The following DOCK1 variants were observed in gnomAD, a reference collection of about 807,000 sequenced individuals.
DOCK1 encodes dedicator of cytokinesis 1.
A neutral mutation model predicts 262.7 loss-of-function variants in DOCK1; 138 were observed. That is an observed-to-expected ratio of 0.53 (90% CI 0.46 to 0.61). The LOEUF is 0.61. Ranked by LOEUF, DOCK1 falls within the 20% of genes least tolerant of loss-of-function variation. DOCK1 has a pLI of 0.00. For synonymous variants in DOCK1, 866 were observed against 867.4 expected, an observed-to-expected ratio of 1.00 and a Z score of 0.03; for missense variants, 1,908 against 2,370.7, an observed-to-expected ratio of 0.80 and a Z score of 4.05.
intron 12 of DOCK1, among the ~76,000 whole-genome samples, chr10:127,016,259 G>T (rs879491563): frequency 6.6e-6 from 1 of 152,098 alleles, no homozygotes; most frequent in Non-Finnish European, 1.5e-5. Flanking sequence ...AAATTAGAGG[G>T]ACTCACTAGA....
In DOCK1 at chr10:127,363,036, TC is replaced by T. The variant is rs1275449089; in HGVS notation, c.3432+830del. The stretch of plus-strand genomic sequence containing the variant: ...CCCCACACACACACACACATGCACC[TC>T]CCCCCACACACACACACGTACATCC... On this transcript the variant is annotated intron_variant, in intron 33 of 51. Coordinates refer to ENST00000623213, the MANE Select transcript of DOCK1 (RefSeq NM_001290223.2). 2.8e-3 allele frequency among the ~76,000 whole-genome samples: 179 copies of T among 63,452 alleles called. 20 individuals are homozygous for T. The highest frequency in any genetic ancestry group is 0.012 in the African/African-American group (171 of 14,036). 41.6% of individuals were successfully genotyped at this position (63,452 alleles called of 152,430 possible).
chr10:127,025,320 T>C (rs1591713313), intron 15 of DOCK1: 1 of 152,442 alleles, frequency 6.6e-6, no homozygotes, highest in East Asian at 1.9e-4. Context: ...AGAGGCAGCA[T>C]GTATTAGGTC....
chr10:127,348,582 A>G (rs554845293), intron 31 of DOCK1, among the ~76,000 whole-genome samples: 1 of 152,290 alleles, frequency 6.6e-6, no homozygotes, highest in East Asian at 1.9e-4. Context: ...CAGTGCAGAG[A>G]GACCATCCAC....
At chr10:127,309,641 T>C (rs1266589539) in intron 29 of DOCK1, among the ~76,000 whole-genome samples, 2 of 152,170 alleles carry the variant, frequency 1.3e-5, no homozygotes, top group African/African-American at 4.8e-5. Flanking sequence ...GGGATCCAGT[T>C]TCCGTTTTCT....
chr10:127,234,290 T>A (rs1239230594), intron 27 of DOCK1, among the ~76,000 whole-genome samples: 1 of 152,040 alleles, frequency 6.6e-6, no homozygotes, highest in East Asian at 1.9e-4. Context: ...CTCTCCAAAG[T>A]GGGGGAAAAA....
In DOCK1 at chr10:127,127,778, G is replaced by GACAT. The variant is rs2050056565; in HGVS notation, c.2847+16_2847+19dup. On this transcript the variant is annotated intron_variant, in intron 27 of 51. Transcript: ENST00000623213. ...TCTGAACTCATTGTAAGTGCTTGGT[G>GACAT]ACATATGTTTGGATATTTAACTGGG... 6.2e-7 allele frequency: 1 copy of GACAT among 1,604,684 alleles called. No homozygotes were observed. Among genetic ancestry groups the GACAT allele is most frequent in the Non-Finnish European group, 8.5e-7 (1 of 1,172,778 alleles).
chr10:127,018,598 A>C, intron 12 of DOCK1, 112 bp from the exon 13 acceptor site: 1 of 1,538,368 alleles, frequency 6.5e-7, no homozygotes, highest in Non-Finnish European at 8.9e-7. Flanking sequence ...CTTTTCTCTC[A>C]AGATGTTGAA....
At chr10:126,942,660 A>C (rs2035110841) in intron 1 of DOCK1, among the ~76,000 whole-genome samples, 1 of 152,180 alleles carries the variant, frequency 6.6e-6, no homozygotes, top group Admixed American at 6.5e-5. Context: ...TCTGCGATGC[A>C]GCAGAGTTCC....
At chr10:127,023,097 T>C in intron 13 of DOCK1, 103 bp from the exon 14 acceptor site, 1 of 1,275,502 alleles carries the variant, frequency 7.8e-7, no homozygotes, top group Non-Finnish European at 1.1e-6. Flanking sequence ...ATCTAATATG[T>C]ATTTGTAATA....
At chr10:127,250,873 C>CT (rs199987416) in intron 28 of DOCK1, among the ~76,000 whole-genome samples, 1 of 142,096 alleles carries the variant, frequency 7.0e-6, no homozygotes, top group Non-Finnish European at 1.5e-5. Context: ...AGTATGTGAA[C>CT]TTTTTTACTG....
intron 49 of DOCK1, among the ~76,000 whole-genome samples, chr10:127,440,815 C>G (rs897966160): frequency 6.6e-6 from 1 of 152,136 alleles, no homozygotes; most frequent in African/African-American, 2.4e-5. Flanking sequence ...GATGTCAGAC[C>G]AGGGGGGCAC....
At chr10:127,026,265 G>C (rs1319286355) in intron 15 of DOCK1, 87 bp from the exon 16 acceptor site, 1 of 1,247,348 alleles carries the variant, frequency 8.0e-7, no homozygotes, top group Non-Finnish European at 1.1e-6. Context: ...AATGTTTACA[G>C]TTGTACCTGA....
rs548508470 is a variant in DOCK1, at chr10:127,045,812, C to T, written c.2201+2648C>T. On this transcript the variant is annotated intron_variant, in intron 21 of 51. Transcript: ENST00000623213. Reference sequence around the variant, plus strand: ...CCAGCATGACTGGGCTCCTTTTTGTCCACCCTATGGAGCTGCTGCAGGCTC... The same window carrying T: ...CCAGCATGACTGGGCTCCTTTTTGTTCACCCTATGGAGCTGCTGCAGGCTC... Among the ~76,000 whole-genome samples the T allele has an allele frequency of 6.6e-5, 10 of 152,316 alleles. No individual in the cohort carries two copies. The South Asian group carries it at 1.9e-3, about 28-fold the overall frequency.
chr10:127,435,530 T>C (rs377679647), intron 48 of DOCK1, among the ~76,000 whole-genome samples: 1 of 152,334 alleles, frequency 6.6e-6, no homozygotes, highest in African/African-American at 2.4e-5. Context: ...AAATCATGTG[T>C]GCTTGTCACT....
At chr10:127,411,306 C>G (rs1021405876) in intron 43 of DOCK1, among the ~76,000 whole-genome samples, 5 of 152,054 alleles carry the variant, frequency 3.3e-5, no homozygotes, top group African/African-American at 1.2e-4. Flanking sequence ...GCAGGTGACA[C>G]AGCAGTCAGC....
At chr10:127,402,939 A>C in intron 38 of DOCK1, 116 bp from the exon 39 acceptor site, 2 of 976,354 alleles carry the variant, frequency 2.0e-6, no homozygotes, top group South Asian at 3.0e-5. Context: ...TATTCCCATA[A>C]TGTTTCATTC....
intron 9 of DOCK1, 84 bp from the exon 10 acceptor site, chr10:127,000,088 A>C: frequency 6.7e-7 from 1 of 1,498,580 alleles, no homozygotes; most frequent in Non-Finnish European, 9.1e-7. Context: ...AAGAGTCTCA[A>C]TCCATTTTTT....
At position 127,043,112 on chromosome 10, in the gene DOCK1, C is replaced by G; in HGVS notation, c.2149C>G (p.Pro717Ala). The change falls in exon 21 of 52, where the codon CCT (proline) becomes GCT (alanine). Residue 717 changes from proline to alanine, a missense_variant. Coordinates refer to ENST00000623213, the MANE Select transcript of DOCK1 (RefSeq NM_001290223.2). ...IADRKFQHFN[P>A]VLETYIKKHF... ...TGATAGAAAATTTCAGCATTTTAAT[C>G]CTGTTTTGGAAACTTACATTAAGAA... 1.2e-6 allele frequency: 2 copies of G among 1,611,248 alleles called. No homozygotes were observed. The highest frequency in any genetic ancestry group is 1.7e-6 in the Non-Finnish European group (2 of 1,178,568).
chr10:126,956,949 C>T lies in DOCK1; in HGVS notation c.47-13753C>T, dbSNP rs1042516073. Among the ~76,000 whole-genome samples the T allele has an allele frequency of 3.1e-3, 466 of 152,186 alleles. 3 individuals carry two copies. Among genetic ancestry groups the T allele is most frequent in the African/African-American group, 0.011 (438 of 41,536 alleles). ...GTCCTAGAGGAGGCTCAGGCCAGAGCCCACAGGGAGGAGGCAAAGTGCTTT... is the reference window on the plus strand; with the variant it reads ...GTCCTAGAGGAGGCTCAGGCCAGAGTCCACAGGGAGGAGGCAAAGTGCTTT... On this transcript the variant is annotated intron_variant, in intron 1 of 51. Coordinates refer to ENST00000623213, the MANE Select transcript of DOCK1 (RefSeq NM_001290223.2).
Sources: gnomAD v4.1 joint callset for allele counts (sites outside exome capture counted in the v4.1 genomes callset) on GRCh38, gnomAD v4.1.1 for gene constraint, MANE v1.5 for transcripts, NCBI Gene and HGNC (gene_info 2026-07-23, HGNC 2026-07-21) for gene names.